The following COL28A1 variants were observed in gnomAD, a reference collection of about 807,000 sequenced individuals.
The protein encoded by COL28A1 is collagen alpha-1(XXVIII) chain.
In COL28A1, 161 loss-of-function variants were observed where a neutral mutation model predicts 150.2. That is an observed-to-expected ratio of 1.07 (90% CI 0.94 to 1.22). The LOEUF is 1.22. Ranked by LOEUF, COL28A1 falls within the 50% of genes most tolerant of loss-of-function variation. COL28A1 has a pLI of 0.00. For synonymous variants in COL28A1, 552 were observed against 469.7 expected (o/e 1.18, Z -2.26); for missense variants, 1,617 against 1,388.3 (o/e 1.16, Z -2.62).
chr7:7,518,076 A>C (rs1781515145), intron 6 of COL28A1, among the ~76,000 whole-genome samples: 3 of 151,870 alleles, frequency 2.0e-5, no homozygotes, highest in Admixed American at 2.0e-4. Flanking sequence ...GTACCTTTTC[A>C]CAGCTTACAC....
intron 20 of COL28A1, 72 bp from the exon 21 acceptor site, chr7:7,440,933 T>C (rs935669633): frequency 2.6e-6 from 2 of 765,628 alleles, no homozygotes; most frequent in Non-Finnish European, 2.3e-6. Flanking sequence ...GCAAGGACCA[T>C]AGCGGAGCCG....
intron 25 of COL28A1, among the ~76,000 whole-genome samples, chr7:7,421,312 T>G (rs1784380916): frequency 6.6e-6 from 1 of 152,150 alleles, no homozygotes; most frequent in Admixed American, 6.5e-5. Flanking sequence ...CAACATGGAT[T>G]AACTATAAAT....
In COL28A1 at chr7:7,358,771, G is replaced by A; in HGVS notation, c.3240C>T (p.Asn1080=). 1 of 1,613,934 alleles carries A rather than the reference G, an allele frequency of 6.2e-7. No individual in the cohort carries two copies. Among genetic ancestry groups the A allele is most frequent in the Non-Finnish European group, 8.5e-7 (1 of 1,179,882 alleles). ...PRCLEALKPG[N]CGEYVVRWYY... ...ACCATCGAACCACATATTCACCACA[G>A]TTTCCAGGCTTCAAGGCTTCCAAAC... The change falls in exon 35 of 35, where the codon AAC becomes AAT. Residue 1080 remains asparagine (N), a synonymous_variant. Transcript: ENST00000399429.
intron 11 of COL28A1, among the ~76,000 whole-genome samples, chr7:7,497,888 T>C (rs1415588236): frequency 2.0e-5 from 3 of 152,238 alleles, no homozygotes; most frequent in African/African-American, 7.2e-5. Flanking sequence ...TGAACTGTAC[T>C]GAGTTTGGAA....
downstream of COL28A1, among the ~76,000 whole-genome samples, chr7:7,354,318 A>G (rs1256067358): frequency 6.6e-6 from 1 of 152,156 alleles, no homozygotes; most frequent in Non-Finnish European, 1.5e-5. Flanking sequence ...TTAAGCACCT[A>G]GAAATTACCA....
intron 30 of COL28A1, among the ~76,000 whole-genome samples, chr7:7,377,807 CAA>C (rs35530896): frequency 1.0e-4 from 13 of 126,288 alleles, no homozygotes; most frequent in African/African-American, 2.6e-4. Flanking sequence ...ATAATTCACG[CAA>C]AAAAAAAAAA....
chr7:7,347,223 T>A, the COL28A1 span, among the ~76,000 whole-genome samples: 2 of 152,086 alleles, frequency 1.3e-5, no homozygotes, highest in African/African-American at 2.4e-5. Flanking sequence ...CCCTGGTGCA[T>A]GAGCCCTGAC....
chr7:7,403,379 TAA>T (rs912204856), intron 27 of COL28A1, among the ~76,000 whole-genome samples: 7 of 152,220 alleles, frequency 4.6e-5, no homozygotes, highest in African/African-American at 1.7e-4. Context: ...GTCATAAACT[TAA>T]AGAGGCTTCT....
chr7:7,509,205 A>C (rs1780990570), intron 9 of COL28A1, among the ~76,000 whole-genome samples: 1 of 151,942 alleles, frequency 6.6e-6, no homozygotes, highest in South Asian at 2.1e-4. Context: ...ATGACAGCTC[A>C]CTGCAGCCTC....
chr7:7,416,413 G>T (rs577809215), intron 27 of COL28A1, among the ~76,000 whole-genome samples: 2 of 152,146 alleles, frequency 1.3e-5, no homozygotes, highest in Non-Finnish European at 2.9e-5. Context: ...GGAGAAAACC[G>T]GCCCCAGGCC....
At chr7:7,378,902 G>T (rs1345272316) in intron 30 of COL28A1, among the ~76,000 whole-genome samples, 4 of 152,204 alleles carry the variant, frequency 2.6e-5, no homozygotes, top group Admixed American at 6.5e-5. Context: ...CTGCATGGGG[G>T]TTTGGCCAGC....
chr7:7,504,094 A>AC (rs1321548849), intron 11 of COL28A1, among the ~76,000 whole-genome samples: 2 of 151,862 alleles, frequency 1.3e-5, no homozygotes, highest in East Asian at 3.9e-4. Context: ...ATTATAACCA[A>AC]CCCCCCCAAA....
chr7:7,478,002 C>A (rs189262927), intron 13 of COL28A1, among the ~76,000 whole-genome samples: 3 of 151,962 alleles, frequency 2.0e-5, no homozygotes, highest in Non-Finnish European at 4.4e-5. Context: ...TACAGAGTGT[C>A]GATTGGTATA....
At chr7:7,365,971 T>G (rs1183667466) in intron 33 of COL28A1, among the ~76,000 whole-genome samples, 1 of 152,202 alleles carries the variant, frequency 6.6e-6, no homozygotes, top group Admixed American at 6.5e-5. Context: ...ACCTTGAGTT[T>G]GGGCTGCACC....
downstream of COL28A1, among the ~76,000 whole-genome samples, chr7:7,354,463 TAGGG>T (rs1461152996): frequency 6.6e-6 from 1 of 152,170 alleles, no homozygotes; most frequent in African/African-American, 2.4e-5. Flanking sequence ...TATTACAGAG[TAGGG>T]TGTCCTCAAA....
intron 30 of COL28A1, among the ~76,000 whole-genome samples, chr7:7,378,241 GGT>G (rs1781671495): frequency 1.3e-5 from 2 of 152,070 alleles, no homozygotes; most frequent in African/African-American, 4.8e-5. Flanking sequence ...TTTTGAAACC[GGT>G]GTGTTTCTCC....
At chr7:7,395,812 ACTTCT>A (rs1378745398) in intron 27 of COL28A1, among the ~76,000 whole-genome samples, 1 of 152,178 alleles carries the variant, frequency 6.6e-6, no homozygotes, top group African/African-American at 2.4e-5. Flanking sequence ...TCTTTCCTCT[ACTTCT>A]CTTCTAGTTT....
At chr7:7,421,817 A>G (rs1784399848) in intron 25 of COL28A1, among the ~76,000 whole-genome samples, 1 of 152,148 alleles carries the variant, frequency 6.6e-6, no homozygotes, top group African/African-American at 2.4e-5. Context: ...CACTTTTATT[A>G]TACTGTCTCC....
At chr7:7,506,289 A>G (rs1315550032) in intron 10 of COL28A1, among the ~76,000 whole-genome samples, 1 of 152,240 alleles carries the variant, frequency 6.6e-6, no homozygotes, top group African/African-American at 2.4e-5. Flanking sequence ...ACATTTAATT[A>G]ACGAGATGTT....
Sources: allele counts gnomAD v4.1 joint callset (sites outside exome capture counted in the v4.1 genomes callset), GRCh38; gene constraint gnomAD v4.1.1; transcripts MANE v1.5; gene names NCBI Gene and HGNC (gene_info 2026-07-23, HGNC 2026-07-21).